The following FAM120A variants were observed in gnomAD, a reference collection of about 807,000 sequenced individuals.
The protein encoded by FAM120A is family with sequence similarity 120 member A.
FAM120A carries 15 observed loss-of-function variants against 109.7 expected under a neutral mutation model. That is an observed-to-expected ratio of 0.14 (90% confidence interval 0.09 to 0.21). The LOEUF (loss-of-function observed/expected upper bound fraction) is 0.21. Among genes scored for constraint, FAM120A ranks in the 10% least tolerant of loss-of-function variants. The pLI is 1.00. For synonymous variants in FAM120A, 493 were observed against 572.8 expected, an observed-to-expected ratio of 0.86 and a Z score of 1.99; for missense variants, 899 against 1,439.3, an observed-to-expected ratio of 0.62 and a Z score of 6.07.
At chr9:93,463,977 C>T (rs991121177) in intron 1 of FAM120A, among the ~76,000 whole-genome samples, 19 of 152,146 alleles carry the variant, frequency 1.2e-4, no homozygotes, top group Non-Finnish European at 2.4e-4. Flanking sequence ...ATTTAATCAT[C>T]GCAGCTACCC....
chr9:93,469,019 C>T (rs1159246463), intron 1 of FAM120A, among the ~76,000 whole-genome samples: 1 of 152,230 alleles, frequency 6.6e-6, no homozygotes, highest in Non-Finnish European at 1.5e-5. Context: ...GGCAACAGGC[C>T]AGGCTCATTT....
At chr9:93,499,079 C>T (rs1315751531) in intron 5 of FAM120A, among the ~76,000 whole-genome samples, 193 bp downstream of exon 5, 1 of 152,158 alleles carries the variant, frequency 6.6e-6, no homozygotes, top group Non-Finnish European at 1.5e-5. Flanking sequence ...GAGAACTTAA[C>T]AGCCTTCATA....
intron 1 of FAM120A, among the ~76,000 whole-genome samples, chr9:93,464,354 T>C (rs1321065659): frequency 6.6e-6 from 1 of 152,210 alleles, no homozygotes; most frequent in Non-Finnish European, 1.5e-5. Flanking sequence ...GGCATAAAGT[T>C]ATCATTGTAA....
At chr9:93,491,022 A>G (rs1383884236) in intron 3 of FAM120A, among the ~76,000 whole-genome samples, 2 of 152,130 alleles carry the variant, frequency 1.3e-5, no homozygotes, top group African/African-American at 4.8e-5. Context: ...GGCCTGATAG[A>G]TAGATTGGTG....
Position 93,482,145 on chromosome 9 carries a change from C to T in FAM120A, c.804+5807C>T, listed in dbSNP as rs544899402. On this transcript the variant is annotated intron_variant, in intron 3 of 17. Transcript: ENST00000277165. The stretch of plus-strand genomic sequence containing the variant: ...GAGGCACCCGTATACCGGGGGCAAT[C>T]TATCAGGCTGTATCAAGAAAACTTT... Among the ~76,000 whole-genome samples the T allele has an allele frequency of 2.7e-5, 4 of 150,562 alleles. No individual in the cohort carries two copies. The East Asian group carries it at 7.8e-4, about 30-fold the overall frequency.
At chr9:93,520,768 A>G (rs61467488) in intron 7 of FAM120A, among the ~76,000 whole-genome samples, 1 of 152,208 alleles carries the variant, frequency 6.6e-6, no homozygotes, top group Non-Finnish European at 1.5e-5. Flanking sequence ...CATACACACT[A>G]CAGAAAATAT....
In FAM120A at chr9:93,527,178, G is replaced by T; in HGVS notation, c.1442G>T (p.Gly481Val). ...AGCCATATCAGCGGGAACAAGATTG[G>T]CTGGGAGAAGACGGGAAGCCACTCA... ...ATNHISGNKI[G>V]WEKTGSHSEP... The change falls in exon 8 of 18, where the codon GGC becomes GTC. Residue 481 changes from glycine (G) to valine (V), a missense_variant. Physicochemically the swap from Gly to Val is moderately radical, Grantham distance 109. Around this residue, in one of 11 missense-constraint regions of FAM120A, gnomAD observed 57 missense variants for 52.9 expected, o/e 1.08. Coordinates refer to ENST00000277165, the MANE Select transcript of FAM120A (RefSeq NM_014612.5). 1 of 1,614,104 alleles carries T rather than the reference G, an allele frequency of 6.2e-7. No individual in the cohort carries two copies. Among genetic ancestry groups the T allele is most frequent in the Non-Finnish European group, 8.5e-7 (1 of 1,179,976 alleles).
chr9:93,488,049 T>G (rs1332837243), intron 3 of FAM120A, among the ~76,000 whole-genome samples: 1 of 152,186 alleles, frequency 6.6e-6, no homozygotes, highest in Non-Finnish European at 1.5e-5. Context: ...ATATACACAT[T>G]TATTTTCCCA....
intron 1 of FAM120A, among the ~76,000 whole-genome samples, chr9:93,468,355 A>G (rs1040181279): frequency 1.3e-5 from 2 of 152,238 alleles, no homozygotes; most frequent in African/African-American, 4.8e-5. Flanking sequence ...GCACCAAGCT[A>G]GACCCTTGAC....
intron 3 of FAM120A, among the ~76,000 whole-genome samples, chr9:93,493,610 A>T (rs1859433188): frequency 6.6e-6 from 1 of 152,244 alleles, no homozygotes; most frequent in South Asian, 2.1e-4. Context: ...TAAAGGGAGC[A>T]GCAGCGGCTG....
intron 17 of FAM120A, 134 bp downstream of exon 17, chr9:93,562,438 C>CAGT: frequency 1.5e-6 from 1 of 650,848 alleles, no homozygotes; most frequent in South Asian, 1.8e-5. Context: ...GTGTCTAACA[C>CAGT]AGTAACTGGC....
rs1858311809 is a variant in FAM120A at position 93,471,473 on chromosome 9, G to A, written c.721+86G>A. On this transcript the variant is annotated intron_variant, in intron 2 of 17. Coordinates refer to ENST00000277165, the MANE Select transcript of FAM120A (RefSeq NM_014612.5). ...CTTTTAAGTGTTTCTGTGCTTGAAT[G>A]TTTTGGATATGTATCACACATTGAA... The A allele has an allele frequency of 2.6e-6, 4 of 1,521,386 alleles. No individual in the cohort carries two copies. The Admixed American group carries it at 7.1e-5, about 27-fold the overall frequency. 94.2% of individuals were successfully genotyped at this position (1,521,386 alleles called of 1,614,324 possible).
At chr9:93,482,241 G>T (rs1210281121) in intron 3 of FAM120A, among the ~76,000 whole-genome samples, 3 of 146,136 alleles carry the variant, frequency 2.1e-5, no homozygotes, top group African/African-American at 7.6e-5. Flanking sequence ...AGGTTGGAGT[G>T]CAGTGGTGCG....
Position 93,497,388 on chromosome 9 carries a change from T to G in FAM120A, c.805-83T>G. On this transcript the variant is annotated intron_variant, in intron 3 of 17. Transcript: ENST00000277165. ...TAAGATCTTAGATGGTAGCTCCTTG[T>G]TGAATTTCTGGCTCCTGCATTCAGA... 3 of 1,547,752 alleles carry G rather than the reference T, an allele frequency of 1.9e-6. No individual in the cohort carries two copies. The South Asian group carries it at 3.5e-5, about 18-fold the overall frequency.
intron 16 of FAM120A, among the ~76,000 whole-genome samples, chr9:93,561,549 C>A (rs561235675): frequency 2.6e-5 from 4 of 152,192 alleles, no homozygotes; most frequent in Admixed American, 2.6e-4. Flanking sequence ...CATGTGCCAC[C>A]ATGCCTGGCT....
At position 93,532,346 on chromosome 9, in the gene FAM120A, T is replaced by C; in HGVS notation, c.1909+17T>C. The C allele has an allele frequency of 1.2e-6, 2 of 1,613,440 alleles. No individual in the cohort carries two copies. Among genetic ancestry groups the C allele is most frequent in the South Asian group, 1.1e-5 (1 of 91,052 alleles). On this transcript the variant is annotated intron_variant, in intron 10 of 17. Transcript: ENST00000277165. This position sits in a 1 kb window ranked among gnomAD's most constrained non-coding sequence, Gnocchi z 4.3. ...CACCAGAATGTATGTACTGTAACAATCCATTGTTTGTTTTCCTCGGTACCT... is the reference window on the plus strand; with the variant it reads ...CACCAGAATGTATGTACTGTAACAACCCATTGTTTGTTTTCCTCGGTACCT...
chr9:93,454,310 T>C (rs1176978917), intron 1 of FAM120A, among the ~76,000 whole-genome samples: 3 of 152,358 alleles, frequency 2.0e-5, no homozygotes, highest in African/African-American at 7.2e-5. Flanking sequence ...TGGTGGTCTC[T>C]TAGCTGGCAA....
chr9:93,546,901 G>A (rs752176601), intron 11 of FAM120A, among the ~76,000 whole-genome samples: 4 of 152,244 alleles, frequency 2.6e-5, no homozygotes, highest in Non-Finnish European at 4.4e-5. Context: ...CCCCACAGAA[G>A]GGGTATGGTG....
In FAM120A at chr9:93,494,319, G is replaced by A. The variant is rs75150815; in HGVS notation, c.805-3152G>A. On this transcript the variant is annotated intron_variant, in intron 3 of 17. Coordinates refer to ENST00000277165, the MANE Select transcript of FAM120A (RefSeq NM_014612.5). Reference sequence around the variant, plus strand: ...ATTTGAAGGATGCACCTAAGTCACCGTCACCATCCACATTCTTCGGAGGAA... The same window carrying A: ...ATTTGAAGGATGCACCTAAGTCACCATCACCATCCACATTCTTCGGAGGAA... 6.6e-3 allele frequency among the ~76,000 whole-genome samples: 999 copies of A among 152,256 alleles called. 14 individuals are homozygous for A. The highest frequency in any genetic ancestry group is 0.023 in the African/African-American group (965 of 41,554).
Sources: gnomAD v4.1 joint callset for allele counts (sites outside exome capture counted in the v4.1 genomes callset) on GRCh38, gnomAD v4.1.1 for gene constraint, gnomAD v4.1.1 regional missense constraint, Gnocchi (gnomAD v3.1) non-coding constraint, MANE v1.5 for transcripts, NCBI Gene and HGNC (gene_info 2026-07-23, HGNC 2026-07-21) for gene names.